The following SMG6 variants were observed in gnomAD, a reference collection of about 807,000 sequenced individuals.
The protein encoded by SMG6 is telomerase-binding protein EST1A.
SMG6 carries 66 observed loss-of-function variants against 142.2 expected under a neutral mutation model. The observed-to-expected ratio is 0.46, with a 90% CI of 0.38 to 0.57. The LOEUF is 0.57. SMG6 is among the 20% of genes least tolerant of loss of function. The pLI, the probability that SMG6 is intolerant of heterozygous loss-of-function variation, is 0.00. For missense variants in SMG6, 1,793 were observed against 1,832.0 expected, an observed-to-expected ratio of 0.98 and a Z score of 0.39; for synonymous variants, 779 against 702.4, an observed-to-expected ratio of 1.11 and a Z score of -1.72.
At position 2,061,496 on chromosome 17, in the gene SMG6, C is replaced by A; in HGVS notation, c.4256G>T (p.Gly1419Val). Reference protein sequence around the residue: ...IPAFLTWAQVG With the variant: ...IPAFLTWAQVV ...GGGGGCCCCAGTGTGGCTCCCTCAG[C>A]CCACCTGGGCCCACGTGAGGAAGGC... Residue 1419 changes from glycine (G) to valine (V), a missense_variant, in exon 19 of 19, where the codon GGC (glycine) becomes GTC (valine). Physicochemically the swap from Gly to Val is moderately radical, Grantham distance 109 (BLOSUM62 -3). Coordinates refer to ENST00000263073, the MANE Select transcript of SMG6 (RefSeq NM_017575.5). The A allele has an allele frequency of 1.3e-6, 2 of 1,570,326 alleles. No homozygotes were observed. The highest frequency in any genetic ancestry group is 8.6e-7 in the Non-Finnish European group (1 of 1,159,130).
chr17:2,120,021 T>A (rs2069636923), intron 13 of SMG6, among the ~76,000 whole-genome samples: 1 of 151,918 alleles, frequency 6.6e-6, no homozygotes, highest in African/African-American at 2.4e-5. Context: ...TTGGTAAGGC[T>A]GGTCTTGAAC....
chr17:2,229,441 GC>G (rs1352966467), intron 10 of SMG6: 2 of 152,146 alleles, frequency 1.3e-5, no homozygotes, highest in East Asian at 3.8e-4. Flanking sequence ...GCCCAGAGAA[GC>G]TTTTTCTTTT....
chr17:2,094,765 A>T (rs1441101595), intron 13 of SMG6: 1 of 152,154 alleles, frequency 6.6e-6, no homozygotes. Flanking sequence ...AAGATCCCCA[A>T]TATGGTATTT....
At chr17:2,167,505 T>C (rs946567098) in intron 13 of SMG6, among the ~76,000 whole-genome samples, 4 of 152,254 alleles carry the variant, frequency 2.6e-5, no homozygotes, top group Non-Finnish European at 4.4e-5. Context: ...AAAGATACAA[T>C]GATTACGTTA....
chr17:2,144,049 C>CGTTTTT (rs2070578482), intron 13 of SMG6, among the ~76,000 whole-genome samples: 1 of 65,062 alleles, frequency 1.5e-5, no homozygotes. Flanking sequence ...ACCACGGCCG[C>CGTTTTT]TTTTTTTTTT....
At chr17:2,076,336 G>A (rs989508301) in intron 15 of SMG6, among the ~76,000 whole-genome samples, 2 of 152,110 alleles carry the variant, frequency 1.3e-5, no homozygotes, top group African/African-American at 4.8e-5. Flanking sequence ...TTGTATTAGT[G>A]TGACCCAGGT....
chr17:2,261,346 C>T (rs1430194065), intron 8 of SMG6, among the ~76,000 whole-genome samples: 3 of 151,782 alleles, frequency 2.0e-5, no homozygotes, highest in African/African-American at 4.8e-5. Context: ...AGAATGACAG[C>T]GATACAAGTA....
At chr17:2,276,069 T>C (rs926625334) in intron 8 of SMG6, among the ~76,000 whole-genome samples, 4 of 152,226 alleles carry the variant, frequency 2.6e-5, no homozygotes, top group African/African-American at 9.6e-5. Flanking sequence ...CTCTAGGAGT[T>C]GTCAAAGGAA....
At position 2,065,734 on chromosome 17, in the gene SMG6, G is replaced by C. The variant is rs2232484; in HGVS notation, c.3836-55C>G. The C allele has an allele frequency of 2.8e-5, 41 of 1,450,832 alleles. 2 individuals are homozygous for C. The East Asian group carries it at 9.3e-4, about 33-fold the overall frequency. The allele number at this position is 1,450,832 out of a possible 1,614,324, so 89.9% of individuals were successfully genotyped here. ...GCCTCAGCAATCAGCTTTCATCCTA[G>C]GCCTCTGTCCATTCACTTTCCCAGC... is the stretch of plus-strand genomic sequence containing the variant. On this transcript the variant is annotated intron_variant, in intron 16 of 18. Transcript: ENST00000263073.
intron 12 of SMG6, among the ~76,000 whole-genome samples, chr17:2,175,672 T>G (rs1253100527): frequency 6.6e-5 from 10 of 152,050 alleles, no homozygotes. Context: ...CCTACCTCAA[T>G]GTTGATTTGT....
chr17:2,259,596 C>A (rs1333066251), intron 8 of SMG6, among the ~76,000 whole-genome samples: 1 of 150,968 alleles, frequency 6.6e-6, no homozygotes, highest in Admixed American at 6.6e-5. Context: ...TCACCTGAGC[C>A]CAGGAGGTTG....
At chr17:2,123,549 C>T (rs999973224) in intron 13 of SMG6, among the ~76,000 whole-genome samples, 1 of 152,174 alleles carries the variant, frequency 6.6e-6, no homozygotes, top group African/African-American at 2.4e-5. Context: ...TTATTCCTCC[C>T]ACCTATACAC....
rs200964042 is a variant in SMG6, at chr17:2,221,870, A to ATG, written c.2869+14621_2869+14622insCA. On this transcript the variant is annotated intron_variant, in intron 10 of 18. Transcript: ENST00000263073. ...GCCAGTCTCCTGCCTCAGCCTCCCA[A>ATG]GTAGCTGGGATTACTACCATGCCTG... 1.0e-2 allele frequency among the ~76,000 whole-genome samples: 1,515 copies of ATG among 152,248 alleles called. 28 individuals are homozygous for ATG. Among genetic ancestry groups the ATG allele is most frequent in the African/African-American group, 0.034 (1,424 of 41,538 alleles).
intron 6 of SMG6, among the ~76,000 whole-genome samples, chr17:2,289,823 G>A (rs1368066518): frequency 6.6e-6 from 1 of 151,758 alleles, no homozygotes; most frequent in African/African-American, 2.4e-5. Context: ...TGAGGCAGGA[G>A]AATAGCTTGA....
intron 10 of SMG6, among the ~76,000 whole-genome samples, chr17:2,230,555 C>T (rs372536): frequency 1.3e-5 from 2 of 151,964 alleles, no homozygotes; most frequent in Non-Finnish European, 2.9e-5. Context: ...TTGGCTTTTC[C>T]TATTTCTCCT....
chr17:2,127,661 C>A (rs1362607817), intron 13 of SMG6: 8 of 568,910 alleles, frequency 1.4e-5, no homozygotes, highest in Non-Finnish European at 2.8e-5. Flanking sequence ...AATTCTTTTA[C>A]TCTGCTCTTT....
intron 10 of SMG6, chr17:2,232,806 T>C (rs1432747258): frequency 2.0e-5 from 3 of 152,170 alleles, no homozygotes; most frequent in Non-Finnish European, 4.4e-5. Context: ...TATTTCGCCC[T>C]GTAGGAAGGG....
intron 9 of SMG6, chr17:2,237,454 C>T (rs958931605): frequency 1.8e-5 from 17 of 932,618 alleles, no homozygotes; most frequent in African/African-American, 3.6e-5. Flanking sequence ...CTGACTGTTC[C>T]GCCTAACGAT....
intron 13 of SMG6, among the ~76,000 whole-genome samples, chr17:2,113,680 G>A (rs1031986271): frequency 4.8e-4 from 73 of 152,174 alleles, no homozygotes; most frequent in African/African-American, 1.7e-3. Flanking sequence ...ACTCCATTCT[G>A]GAGATCTTAT....
Sources: allele counts gnomAD v4.1 joint callset (sites outside exome capture counted in the v4.1 genomes callset), GRCh38; gene constraint gnomAD v4.1.1; transcripts MANE v1.5; gene names NCBI Gene and HGNC (gene_info 2026-07-23, HGNC 2026-07-21).